The following MECOM variants were observed in gnomAD, a reference collection of about 807,000 sequenced individuals.
MECOM encodes the protein MDS1 and EVI1 complex locus.
A neutral mutation model predicts 116.3 loss-of-function variants in MECOM; 13 were observed. That is an observed-to-expected ratio of 0.11 (90% CI 0.07 to 0.18). The LOEUF (loss-of-function observed/expected upper bound fraction) is 0.18, where lower values mean the gene tolerates loss of function less well. MECOM is among the 10% of genes least tolerant of loss of function. MECOM has a pLI of 1.00. For synonymous variants in MECOM, 528 were observed against 535.2 expected (o/e 0.99, Z 0.19); for missense variants, 1,299 against 1,509.0 (o/e 0.86, Z 2.31).
intron 2 of MECOM, among the ~76,000 whole-genome samples, chr3:169,346,803 A>G (rs547015875): frequency 1.8e-4 from 27 of 152,172 alleles, no homozygotes; most frequent in South Asian, 6.2e-4. Flanking sequence ...CTCTCAGCAT[A>G]TAGTTCCATA....
intron 2 of MECOM, among the ~76,000 whole-genome samples, chr3:169,215,023 G>A (rs1420527576): frequency 1.3e-5 from 2 of 150,246 alleles, no homozygotes; most frequent in African/African-American, 4.9e-5. Flanking sequence ...TTTCTTATAG[G>A]GCTTTGAAAA....
At chr3:169,278,167 T>C (rs543697354) in intron 2 of MECOM, among the ~76,000 whole-genome samples, 4 of 152,356 alleles carry the variant, frequency 2.6e-5, no homozygotes, top group African/African-American at 9.6e-5. Context: ...TCAGGCTCTG[T>C]ACCAACATAT....
chr3:169,293,011 C>T (rs186554475), intron 2 of MECOM, among the ~76,000 whole-genome samples: 8 of 152,100 alleles, frequency 5.3e-5, no homozygotes, highest in Non-Finnish European at 8.8e-5. Context: ...GATGAAGTGA[C>T]TTATCCAAGA....
At chr3:169,419,496 A>G (rs180922829) in intron 1 of MECOM, among the ~76,000 whole-genome samples, 2 of 152,324 alleles carry the variant, frequency 1.3e-5, no homozygotes, top group African/African-American at 4.8e-5. Context: ...TTCAAACTAT[A>G]CTACAAGGCT....
intron 1 of MECOM, among the ~76,000 whole-genome samples, chr3:169,568,531 G>C (rs180779481): frequency 2.0e-5 from 3 of 152,276 alleles, no homozygotes; most frequent in Non-Finnish European, 4.4e-5. Flanking sequence ...AGCTTGGTGG[G>C]GGGAGGGGCA....
At chr3:169,641,236 T>C (rs528099871) in intron 1 of MECOM, among the ~76,000 whole-genome samples, 4 of 152,278 alleles carry the variant, frequency 2.6e-5, no homozygotes, top group African/African-American at 9.6e-5. Flanking sequence ...TATAAAGGAA[T>C]AGACTGGAGG....
At chr3:169,577,473 CTTT>C (rs5854339) in intron 1 of MECOM, among the ~76,000 whole-genome samples, 1 of 147,370 alleles carries the variant, frequency 6.8e-6, no homozygotes, top group Non-Finnish European at 1.5e-5. Context: ...GAAAAGTTGC[CTTT>C]TTTTTTTTTT....
chr3:169,223,101 A>G (rs1752317681), intron 2 of MECOM, among the ~76,000 whole-genome samples: 1 of 146,880 alleles, frequency 6.8e-6, no homozygotes, highest in South Asian at 2.2e-4. Context: ...CTGCTTTCAT[A>G]CTGGCAAATT....
At chr3:169,348,243 TAGAAAA>T (rs1725709718) in intron 2 of MECOM, among the ~76,000 whole-genome samples, 1 of 152,078 alleles carries the variant, frequency 6.6e-6, no homozygotes, top group Non-Finnish European at 1.5e-5. Context: ...TGAATGCCCT[TAGAAAA>T]ATTAGTATGT....
intron 2 of MECOM, among the ~76,000 whole-genome samples, chr3:169,230,752 T>C (rs922373710): frequency 6.6e-6 from 1 of 152,128 alleles, no homozygotes; most frequent in Non-Finnish European, 1.5e-5. Flanking sequence ...CTACTTCAAT[T>C]TTTAAATTTC....
intron 2 of MECOM, among the ~76,000 whole-genome samples, chr3:169,191,960 T>C (rs1175264174): frequency 1.3e-5 from 2 of 151,926 alleles, no homozygotes; most frequent in African/African-American, 2.4e-5. Flanking sequence ...GAACAGAGAA[T>C]AGAGTGGGTG....
chr3:169,249,117 G>A (rs1755944688), intron 2 of MECOM, among the ~76,000 whole-genome samples: 1 of 152,140 alleles, frequency 6.6e-6, no homozygotes, highest in East Asian at 1.9e-4. Flanking sequence ...CTTAGGCTAG[G>A]AATTATCTAA....
At chr3:169,499,344 C>A in intron 1 of MECOM, among the ~76,000 whole-genome samples, 1 of 62,236 alleles carries the variant, frequency 1.6e-5, no homozygotes, top group African/African-American at 7.7e-5. Context: ...ACAGATTACC[C>A]ACAAAAAAAA....
At chr3:169,303,981 C>T (rs190169332) in intron 2 of MECOM, among the ~76,000 whole-genome samples, 2 of 152,234 alleles carry the variant, frequency 1.3e-5, no homozygotes, top group Non-Finnish European at 1.5e-5. Context: ...TGGTTGCTTT[C>T]AAAAAATATG....
intron 2 of MECOM, among the ~76,000 whole-genome samples, chr3:169,270,230 C>A (rs1260375540): frequency 7.9e-5 from 12 of 151,986 alleles, no homozygotes; most frequent in Admixed American, 7.9e-4. Context: ...TGGTATCTAG[C>A]CAAGTGGCTA....
At chr3:169,397,772 A>T (rs1282342362) in intron 1 of MECOM, among the ~76,000 whole-genome samples, 1 of 152,186 alleles carries the variant, frequency 6.6e-6, no homozygotes, top group Non-Finnish European at 1.5e-5. Context: ...CTATTATATG[A>T]AAGTGAGGAG....
chr3:169,219,426 G>C (rs776609514), intron 2 of MECOM, among the ~76,000 whole-genome samples: 6 of 152,196 alleles, frequency 3.9e-5, no homozygotes, highest in Admixed American at 3.3e-4. Context: ...AGAATGGCCT[G>C]AACCTGGGAG....
At chr3:169,582,899 T>G (rs1765285468) in intron 1 of MECOM, among the ~76,000 whole-genome samples, 1 of 152,266 alleles carries the variant, frequency 6.6e-6, no homozygotes, top group South Asian at 2.1e-4. Flanking sequence ...TTTGGAACTT[T>G]GTTTTGCTTA....
intron 1 of MECOM, among the ~76,000 whole-genome samples, chr3:169,643,968 C>T (rs551202903): frequency 6.6e-6 from 1 of 152,142 alleles, no homozygotes; most frequent in Admixed American, 6.5e-5. Flanking sequence ...GGTAAGCCAG[C>T]ATTCTCTTAC....
Sources: allele counts gnomAD v4.1 joint callset (sites outside exome capture counted in the v4.1 genomes callset), GRCh38; gene constraint gnomAD v4.1.1; transcripts MANE v1.5; gene names NCBI Gene and HGNC (gene_info 2026-07-23, HGNC 2026-07-21).